Variants in ZNF154 observed in about 807,000 individuals in gnomAD.
The protein encoded by ZNF154 is zinc finger protein 154.
Under a neutral mutation model 7.5 loss-of-function variants are expected in ZNF154, and 6 were observed. The observed-to-expected ratio is 0.80, with a 90% CI of 0.44 to 1.57. ZNF154 has a LOEUF of 1.57. Ranked by LOEUF, ZNF154 falls within the 40% of genes most tolerant of loss-of-function variation. The pLI is 0.01. For synonymous variants in ZNF154, 187 were observed against 185.9 expected (o/e 1.01, Z -0.05); for missense variants, 485 against 531.4 (o/e 0.91, Z 0.86).
In ZNF154 at chr19:57,702,460, G is replaced by T. The variant is rs764432659; in HGVS notation, c.489C>A (p.Cys163Ter). The change falls in exon 3 of 3, where the codon TGC (cysteine) becomes TGA (stop). Residue 163 changes from cysteine (C) to a stop codon, truncating the protein, a stop_gained. Coordinates refer to ENST00000684351, the MANE Select transcript of ZNF154 (RefSeq NM_001085384.3). LOFTEE classifies it low-confidence loss of function (END_TRUNC). The stretch of plus-strand genomic sequence containing the variant: ...TGCTAAAGGATTTCCCACATTCACT[G>T]CATATGTAACATCTTTCTGTAGTGA... ...RTLTTERCYI[C>*]SECGKSFSKS... 4.3e-6 allele frequency: 7 copies of T among 1,614,110 alleles called. No individual in the cohort carries two copies. The highest frequency in any genetic ancestry group is 1.6e-4 in the Middle Eastern group (1 of 6,084).
chr19:57,699,080 C>G lies in ZNF154; in HGVS notation c.*2555G>C, dbSNP rs1194703024. On this transcript the variant is annotated 3_prime_UTR_variant, in exon 3 of 3. Transcript: ENST00000684351. The stretch of plus-strand genomic sequence containing the variant: ...GTGCTGGGATTACAGGTGTAAGCCA[C>G]CGCATCTGGCCTCTTTTTTTTGAGA... 1 of 151,772 alleles carries G rather than the reference C, an allele frequency of 6.6e-6. No individual in the cohort carries two copies. Among genetic ancestry groups the G allele is most frequent in the East Asian group, 1.9e-4 (1 of 5,158 alleles). The allele number at this position is 151,772 out of a possible 1,614,324, so 9.4% of individuals were successfully genotyped here. A position where few individuals can be genotyped will look rare whatever the true frequency, so the allele number is the denominator to read the frequency against.
At chr19:57,704,019 A>AGTAT (rs963089222) in intron 2 of ZNF154, among the ~76,000 whole-genome samples, 5 of 152,210 alleles carry the variant, frequency 3.3e-5, no homozygotes, top group African/African-American at 9.6e-5. Flanking sequence ...AAAAAAAAAG[A>AGTAT]GTATGTGCAT....
chr19:57,703,857 A>G (rs2122399237), intron 2 of ZNF154, among the ~76,000 whole-genome samples: 1 of 152,156 alleles, frequency 6.6e-6, no homozygotes, highest in East Asian at 1.9e-4. Flanking sequence ...AAAAATACAA[A>G]AATGAGCCAG....
At position 57,702,546 on chromosome 19, in the gene ZNF154, A is replaced by G. The variant is rs1273248642; in HGVS notation, c.403T>C (p.Cys135Arg). The G allele has an allele frequency of 6.2e-7, 1 of 1,614,042 alleles. No homozygotes were observed. Among genetic ancestry groups the G allele is most frequent in the African/African-American group, 1.3e-5 (1 of 74,894 alleles). ...CTGAATGCTTTTGTGTGTTCTCCAC[A>G]GTTGTAATGAGTTTTTCCTCTGTGA... ...ISHRGKTHYN[C>R]GEHTKAFSGK... The change falls in exon 3 of 3, where the codon TGT becomes CGT. Residue 135 changes from cysteine to arginine, a missense_variant. Physicochemically the swap from Cys to Arg is radical, Grantham distance 180. Coordinates refer to ENST00000684351, the MANE Select transcript of ZNF154 (RefSeq NM_001085384.3).
At position 57,701,534 on chromosome 19, in the gene ZNF154, G is replaced by A. The variant is rs1017360072; in HGVS notation, c.*101C>T. 12 of 1,276,948 alleles carry A rather than the reference G, an allele frequency of 9.4e-6. No homozygotes were observed. The highest frequency in any genetic ancestry group is 1.3e-5 in the Non-Finnish European group (12 of 928,232). 79.1% of individuals were successfully genotyped at this position (1,276,948 alleles called of 1,614,324 possible). On this transcript the variant is annotated 3_prime_UTR_variant, in exon 3 of 3. Coordinates refer to ENST00000684351, the MANE Select transcript of ZNF154 (RefSeq NM_001085384.3). ...CCTTGTGAACTGTGTGGCACTCAAT[G>A]AGATATGGCCTTCAGCTGAAGCTTT...
rs1985046023 is a variant in ZNF154, at chr19:57,699,792, G to C, written c.*1843C>G. 6.6e-6 allele frequency: 1 copy of C among 152,318 alleles called. No homozygotes were observed. Among genetic ancestry groups the C allele is most frequent in the Admixed American group, 6.5e-5 (1 of 15,272 alleles). 9.4% of individuals were successfully genotyped at this position (152,318 alleles called of 1,614,324 possible). On this transcript the variant is annotated 3_prime_UTR_variant, in exon 3 of 3. Coordinates refer to ENST00000684351, the MANE Select transcript of ZNF154 (RefSeq NM_001085384.3). Reference sequence around the variant, plus strand: ...GTTCAAGACCAGCCTGGCCAACATGGTGAAACCCCATGTCTACTAAAAATG... The same window carrying C: ...GTTCAAGACCAGCCTGGCCAACATGCTGAAACCCCATGTCTACTAAAAATG...
At chr19:57,706,711 G>C (rs9676374) in intron 1 of ZNF154, among the ~76,000 whole-genome samples, 4,576 of 152,282 alleles carry the variant, frequency 0.03, 210 homozygotes, top group African/African-American at 0.1. Context: ...CCTTACCTCT[G>C]TTTAGAAAGC....
At position 57,697,696 on chromosome 19, in the gene ZNF154, G is replaced by A. The variant is rs1052850; in HGVS notation, c.*3939C>T. 6.6e-6 allele frequency: 1 copy of A among 151,698 alleles called. No homozygotes were observed. Among genetic ancestry groups the A allele is most frequent in the African/African-American group, 2.4e-5 (1 of 41,266 alleles). The allele number at this position is 151,698 out of a possible 1,614,324, so 9.4% of individuals were successfully genotyped here. The stretch of plus-strand genomic sequence containing the variant: ...TATCCGGGAGTATAAGTAAAATAAC[G>A]CACTAGTACACATGAGGACCGATGA... On this transcript the variant is annotated 3_prime_UTR_variant, in exon 3 of 3. Transcript: ENST00000684351.
intron 2 of ZNF154, 72 bp from the exon 3 acceptor site, chr19:57,702,860 GGCCCAGCCAA>G: frequency 6.9e-7 from 1 of 1,458,990 alleles, no homozygotes; most frequent in Non-Finnish European, 9.2e-7. Flanking sequence ...TGTCCCCTAG[GGCCCAGCCAA>G]GAGCAAAATG....
Position 57,702,350 on chromosome 19 carries a change from T to TG in ZNF154, c.598dup (p.Gln200ProfsTer4). On this transcript the variant is annotated frameshift_variant, in exon 3 of 3. Coordinates refer to ENST00000684351, the MANE Select transcript of ZNF154 (RefSeq NM_001085384.3). LOFTEE classifies it low-confidence loss of function (END_TRUNC). Reference sequence around the variant, plus strand: ...CCGGTGCTGAATGAGACTAGAGCTTTGCCTAAAGGACTTCCCACACTCTCG... The same window carrying TG: ...CCGGTGCTGAATGAGACTAGAGCTTTGGCCTAAAGGACTTCCCACACTCTCG... The TG allele has an allele frequency of 1.2e-6, 2 of 1,612,878 alleles. No individual in the cohort carries two copies. Among genetic ancestry groups the TG allele is most frequent in the Non-Finnish European group, 1.7e-6 (2 of 1,178,958 alleles).
In ZNF154 at chr19:57,697,384, A is replaced by G. The variant is rs1251694466; in HGVS notation, c.*4251T>C. 1 of 152,212 alleles carries G rather than the reference A, an allele frequency of 6.6e-6. No individual in the cohort carries two copies. Among genetic ancestry groups the G allele is most frequent in the African/African-American group, 2.4e-5 (1 of 41,456 alleles). The allele number at this position is 152,212 out of a possible 1,614,324, so 9.4% of individuals were successfully genotyped here. On this transcript the variant is annotated 3_prime_UTR_variant, in exon 3 of 3. Transcript: ENST00000684351. ...CCACATCTAGAATACAGCAAATTCT[A>G]ATTAAAAAATGACTCAGCAACTTCA...
chr19:57,702,314 G>A lies in ZNF154; in HGVS notation c.635C>T (p.Thr212Ile), dbSNP rs371282433. The A allele has an allele frequency of 1.9e-6, 3 of 1,612,842 alleles. No individual in the cohort carries two copies. In the African/African-American group the frequency reaches 4.0e-5, roughly 22 times the overall value. The change falls in exon 3 of 3, where the codon ACT (threonine) becomes ATT (isoleucine). Residue 212 changes from threonine to isoleucine, a missense_variant. Physicochemically the swap from Thr to Ile is moderately conservative, Grantham distance 89. Coordinates refer to ENST00000684351, the MANE Select transcript of ZNF154 (RefSeq NM_001085384.3). ...SSLIQHRRVHTAVRPHECDEC... is the reference protein window; with the variant it reads ...SSLIQHRRVHIAVRPHECDEC... ...ATCACATTCATGAGGTCGTACTGCA[G>A]TGTGAACTCTCCGGTGCTGAATGAG...
rs887153181 is a variant in ZNF154, at chr19:57,709,183, G to A, written c.-212C>T. ...TCTCTGATCCGGTGAACACACCTCA[G>A]AGAAGCTAAAATGGCCGCCACGAAG... On this transcript the variant is annotated 5_prime_UTR_variant, in exon 1 of 3. Coordinates refer to ENST00000684351, the MANE Select transcript of ZNF154 (RefSeq NM_001085384.3). The A allele has an allele frequency of 3.3e-6, 2 of 607,218 alleles. No individual in the cohort carries two copies. Among genetic ancestry groups the A allele is most frequent in the Non-Finnish European group, 5.7e-6 (2 of 351,466 alleles). 37.6% of individuals were successfully genotyped at this position (607,218 alleles called of 1,614,324 possible).
chr19:57,701,645 T>C lies in ZNF154; in HGVS notation c.1304A>G (p.His435Arg). Residue 435 changes from histidine to arginine, a missense_variant, in exon 3 of 3, where the codon CAT becomes CGT. Transcript: ENST00000684351. The stretch of plus-strand genomic sequence containing the variant: ...CCACTCATAAGGCTTTTATCGACTA[T>C]GAATTCTCTGATGTTTAATAAGGCT... The part of the protein sequence containing the change: ...NSSLIKHQRI[H>R]SR 6.2e-7 allele frequency: 1 copy of C among 1,611,654 alleles called. No homozygotes were observed. Among genetic ancestry groups the C allele is most frequent in the Non-Finnish European group, 8.5e-7 (1 of 1,177,930 alleles).
rs941192492 is a variant in ZNF154, at chr19:57,697,196, C to T, written c.*4439G>A. Reference sequence around the variant, plus strand: ...ATTCTGGTTTAATGCTTAATAAAAGCGTTTTCTGTCTCTACCTTCGTGGAG... The same window carrying T: ...ATTCTGGTTTAATGCTTAATAAAAGTGTTTTCTGTCTCTACCTTCGTGGAG... On this transcript the variant is annotated 3_prime_UTR_variant, in exon 3 of 3. Transcript: ENST00000684351. Among the ~76,000 whole-genome samples, 6 of 152,246 alleles carry T rather than the reference C, an allele frequency of 3.9e-5. No individual in the cohort carries two copies. Among genetic ancestry groups the T allele is most frequent in the South Asian group, 2.1e-4 (1 of 4,824 alleles).
rs1229305854 is a variant in ZNF154, at chr19:57,698,205, AT to A, written c.*3429del. Reference sequence around the variant, plus strand: ...CCAGGGATTAAAAAAGAGTAAATACATTATGGTTTCAATCATATAAAATTCT... The same window carrying A: ...CCAGGGATTAAAAAAGAGTAAATACATATGGTTTCAATCATATAAAATTCT... On this transcript the variant is annotated 3_prime_UTR_variant, in exon 3 of 3. Transcript: ENST00000684351. The A allele has an allele frequency of 6.6e-6, 1 of 152,250 alleles. No homozygotes were observed. The highest frequency in any genetic ancestry group is 1.5e-5 in the Non-Finnish European group (1 of 68,036). The allele number at this position is 152,250 out of a possible 1,614,324, so 9.4% of individuals were successfully genotyped here. A position where few individuals can be genotyped will look rare whatever the true frequency, so the allele number is the denominator to read the frequency against.
chr19:57,709,145 CGG>C lies in ZNF154; in HGVS notation c.-176_-175del. On this transcript the variant is annotated 5_prime_UTR_variant, in exon 1 of 3. Transcript: ENST00000684351. ...CCCTCACGCCTTCGTGGCCCCAACT[CGG>C]CGCTCTGCTATCTCTGATCCGGTGA... The C allele has an allele frequency of 1.3e-6, 1 of 798,364 alleles. No homozygotes were observed. The highest frequency in any genetic ancestry group is 2.0e-6 in the Non-Finnish European group (1 of 496,772). The allele number at this position is 798,364 out of a possible 1,614,324, so 49.5% of individuals were successfully genotyped here. A position where few individuals can be genotyped will look rare whatever the true frequency, so the allele number is the denominator to read the frequency against.
Position 57,702,533 on chromosome 19 carries a change from G to C in ZNF154, c.416C>G (p.Thr139Arg). The C allele has an allele frequency of 6.2e-7, 1 of 1,614,100 alleles. No individual in the cohort carries two copies. Among genetic ancestry groups the C allele is most frequent in the South Asian group, 1.1e-5 (1 of 91,080 alleles). Residue 139 changes from threonine (T) to arginine (R), a missense_variant, in exon 3 of 3, where the codon ACA (threonine) becomes AGA (arginine). By Grantham distance (71) the Thr-to-Arg change is moderately conservative (BLOSUM62 -1). Coordinates refer to ENST00000684351, the MANE Select transcript of ZNF154 (RefSeq NM_001085384.3). ...GKTHYNCGEH[T>R]KAFSGKHTLV... Reference sequence around the variant, plus strand: ...TGTGTGTTTACCGCTGAATGCTTTTGTGTGTTCTCCACAGTTGTAATGAGT... The same window carrying C: ...TGTGTGTTTACCGCTGAATGCTTTTCTGTGTTCTCCACAGTTGTAATGAGT...
intron 2 of ZNF154, among the ~76,000 whole-genome samples, chr19:57,703,255 A>C (rs971858714): frequency 2.0e-5 from 3 of 152,034 alleles, no homozygotes; most frequent in Non-Finnish European, 2.9e-5. Flanking sequence ...TGGGAGTCCA[A>C]GGTGGGTGGA....
Sources: allele counts gnomAD v4.1 joint callset (sites outside exome capture counted in the v4.1 genomes callset), GRCh38; gene constraint gnomAD v4.1.1; transcripts MANE v1.5; gene names NCBI Gene and HGNC (gene_info 2026-07-23, HGNC 2026-07-21).